Variants in LIAS observed in about 807,000 individuals in gnomAD.
LIAS encodes the protein lipoyl synthase, mitochondrial.
Under a neutral mutation model 49.4 loss-of-function variants are expected in LIAS, and 36 were observed. The ratio of observed to expected loss-of-function variants is 0.73; its 90% CI spans 0.56 to 0.96. The LOEUF is 0.96. Among genes scored for constraint, LIAS ranks in the 40% least tolerant of loss-of-function variants. The pLI, the probability that LIAS is intolerant of heterozygous loss-of-function variation, is 0.00. For missense variants in LIAS, 399 were observed against 456.3 expected (o/e 0.87, Z 1.14); for synonymous variants, 145 against 155.8 (o/e 0.93, Z 0.52).
At chr4:39,473,346 G>A in intron 10 of LIAS, 135 bp downstream of exon 10, 1 of 586,546 alleles carries the variant, frequency 1.7e-6, no homozygotes, top group Non-Finnish European at 3.1e-6. Context: ...TTTTCTTCTG[G>A]AACATCCTTA....
chr4:39,474,620 C>T (rs1446722785), intron 10 of LIAS, among the ~76,000 whole-genome samples: 1 of 150,956 alleles, frequency 6.6e-6, no homozygotes, highest in Non-Finnish European at 1.5e-5. Flanking sequence ...TTTTTAGATG[C>T]AGTCTCTCTC....
chr4:39,469,288 T>C (rs1744893138), intron 7 of LIAS: 1 of 152,262 alleles, frequency 6.6e-6, no homozygotes, highest in Admixed American at 6.5e-5. Flanking sequence ...TTTAAGTTCA[T>C]AAATTTGTTT....
Position 39,467,823 on chromosome 4 carries a change from A to G in LIAS, c.737+177A>G, listed in dbSNP as rs191889333. Reference sequence around the variant, plus strand: ...TACATAAAAATCAGAAAATATCACCAACAAAATCAGCATAAATATCACCCA... The same window carrying G: ...TACATAAAAATCAGAAAATATCACCGACAAAATCAGCATAAATATCACCCA... On this transcript the variant is annotated intron_variant, in intron 7 of 10. Transcript: ENST00000640888. 121 of 455,052 alleles carry G rather than the reference A, an allele frequency of 2.7e-4. No individual in the cohort carries two copies. In the East Asian group the frequency reaches 4.6e-3, roughly 17 times the overall value. 28.2% of individuals were successfully genotyped at this position (455,052 alleles called of 1,614,324 possible).
Position 39,460,814 on chromosome 4 carries a change from C to G in LIAS, c.70C>G (p.Pro24Ala), listed in dbSNP as rs768692068. The change falls in exon 2 of 11, where the codon CCA (proline) becomes GCA (alanine). Residue 24 changes from proline (P) to alanine (A), a missense_variant. By Grantham distance (27) the Pro-to-Ala change is conservative (BLOSUM62 -1). Transcript: ENST00000640888. The part of the protein sequence containing the change: ...PRVFGRYFCS[P>A]VRPLSSLPDK... ...GGTATTTGGGAGATATTTTTGCAGC[C>G]CAGTCAGACCGTTAAGCTCCTTGCC... is the stretch of plus-strand genomic sequence containing the variant. The G allele has an allele frequency of 1.9e-6, 3 of 1,585,170 alleles. No individual in the cohort carries two copies. Among genetic ancestry groups the G allele is most frequent in the Non-Finnish European group, 2.6e-6 (3 of 1,169,384 alleles).
intron 7 of LIAS, chr4:39,468,821 C>T: frequency 6.7e-6 from 1 of 149,122 alleles, no homozygotes; most frequent in Non-Finnish European, 1.5e-5. Context: ...TTGCGGTGAG[C>T]CGAGATAGTG....
At chr4:39,461,110 T>C in intron 2 of LIAS, 148 bp downstream of exon 2, 1 of 654,956 alleles carries the variant, frequency 1.5e-6, no homozygotes, top group Non-Finnish European at 2.5e-6. Flanking sequence ...CAGAACTAGA[T>C]AGAACAAGTA....
In LIAS at chr4:39,462,289, A is replaced by G. The variant is rs749254524; in HGVS notation, c.312A>G (p.Thr104=). 2.0e-6 allele frequency: 3 copies of G among 1,495,518 alleles called. No individual in the cohort carries two copies. Among genetic ancestry groups the G allele is most frequent in the Admixed American group, 2.0e-5 (1 of 50,090 alleles). The allele number at this position is 1,495,518 out of a possible 1,614,324, so 92.6% of individuals were successfully genotyped here. A position where few individuals can be genotyped will look rare whatever the true frequency, so the allele number is the denominator to read the frequency against. ...KNTLRNLNLH[T]VCEEARCPNI... Reference sequence around the variant, plus strand: ...CTTTGCGGAATTTAAATCTCCATACAGTAAGTTGTCAAAGTGTAAACTATC... The same window carrying G: ...CTTTGCGGAATTTAAATCTCCATACGGTAAGTTGTCAAAGTGTAAACTATC... Residue 104 remains threonine (T), a splice_region_variant and synonymous_variant, in exon 3 of 11, where the codon ACA becomes ACG. Transcript: ENST00000640888.
chr4:39,465,698 C>T (rs1479878142), intron 6 of LIAS, among the ~76,000 whole-genome samples: 3 of 149,312 alleles, frequency 2.0e-5, no homozygotes, highest in Non-Finnish European at 3.0e-5. Flanking sequence ...TGGAGTCTCG[C>T]TCTTTTGCCC....
intron 10 of LIAS, 52 bp from the exon 11 acceptor site, chr4:39,477,011 A>G: frequency 1.7e-6 from 2 of 1,151,746 alleles, no homozygotes; most frequent in Admixed American, 5.0e-5. Flanking sequence ...TAGTTGTCTC[A>G]CTGTTATTTA....
intron 8 of LIAS, among the ~76,000 whole-genome samples, chr4:39,470,392 G>A (rs952381960): frequency 2.6e-5 from 4 of 150,960 alleles, no homozygotes; most frequent in South Asian, 2.1e-4. Context: ...TATGCATGAC[G>A]CTCAGGATAC....
chr4:39,471,338 T>TTA, intron 9 of LIAS, 32 bp downstream of exon 9: 1 of 1,551,136 alleles, frequency 6.4e-7, no homozygotes, highest in Non-Finnish European at 8.8e-7. Context: ...TTTTTTTTTT[T>TTA]TTTTTATTTT....
intron 1 of LIAS, among the ~76,000 whole-genome samples, chr4:39,459,479 G>A (rs974633350): frequency 3.9e-5 from 6 of 152,104 alleles, no homozygotes; most frequent in Non-Finnish European, 8.8e-5. Context: ...GACTCTTACT[G>A]TGTGTGAGAC....
At position 39,471,326 on chromosome 4, in the gene LIAS, C is replaced by CTTTTTT. The variant is rs67611743; in HGVS notation, c.954+32_954+37dup. 5 of 1,243,106 alleles carry CTTTTTT rather than the reference C, an allele frequency of 4.0e-6. No homozygotes were observed. The highest frequency in any genetic ancestry group is 1.1e-6 in the Non-Finnish European group (1 of 907,772). The allele number at this position is 1,243,106 out of a possible 1,614,324, so 77.0% of individuals were successfully genotyped here. A position where few individuals can be genotyped will look rare whatever the true frequency, so the allele number is the denominator to read the frequency against. On this transcript the variant is annotated intron_variant, in intron 9 of 10. Coordinates refer to ENST00000640888, the MANE Select transcript of LIAS (RefSeq NM_006859.4). ...CTTAAGGTACATGTATCTTGATTTG[C>CTTTTTT]TTTTTTTTTTTTTTTTTATTTTTAA...
chr4:39,460,813 C>T lies in LIAS; in HGVS notation c.69C>T (p.Ser23=), dbSNP rs946086496. Residue 23 remains serine (S), a synonymous_variant, in exon 2 of 11, where the codon AGC becomes AGT. Transcript: ENST00000640888. ...GPRVFGRYFC[S]PVRPLSSLPD... is the part of the protein sequence containing the mutation. ...AGGTATTTGGGAGATATTTTTGCAG[C>T]CCAGTCAGACCGTTAAGCTCCTTGC... 5.0e-6 allele frequency: 8 copies of T among 1,584,882 alleles called. No homozygotes were observed. Among genetic ancestry groups the T allele is most frequent in the Admixed American group, 1.9e-5 (1 of 53,428 alleles).
At position 39,460,892 on chromosome 4, in the gene LIAS, T is replaced by C. The variant is rs775089515; in HGVS notation, c.148T>C (p.Ser50Pro). ...QNGPDLQDFV[S>P]GDLADRSTWD... ...TGGACCAGACCTTCAAGATTTTGTATCTGGTGATCTTGCAGACAGGAGCAC... is the reference window on the plus strand; with the variant it reads ...TGGACCAGACCTTCAAGATTTTGTACCTGGTGATCTTGCAGACAGGAGCAC... The change falls in exon 2 of 11, where the codon TCT becomes CCT. Residue 50 changes from serine to proline, a missense_variant. Around this residue, in one of 3 missense-constraint regions of LIAS, gnomAD observed 159 missense variants for 147.6 expected, o/e 1.08. Transcript: ENST00000640888. 3 of 1,613,318 alleles carry C rather than the reference T, an allele frequency of 1.9e-6. No homozygotes were observed. The highest frequency in any genetic ancestry group is 1.3e-5 in the African/African-American group (1 of 74,904).
At chr4:39,467,685 G>T in intron 7 of LIAS, 39 bp downstream of exon 7, 1 of 1,455,106 alleles carries the variant, frequency 6.9e-7, no homozygotes, top group Non-Finnish European at 9.2e-7. Context: ...AAGTTAGGCG[G>T]GTCAAAATAT....
chr4:39,473,899 G>A (rs1745084048), intron 10 of LIAS: 2 of 152,172 alleles, frequency 1.3e-5, no homozygotes, highest in Non-Finnish European at 1.5e-5. Context: ...GAACATATCT[G>A]AAGACCGAAT....
At chr4:39,459,281 A>G in intron 1 of LIAS, 119 bp downstream of exon 1, 1 of 853,320 alleles carries the variant, frequency 1.2e-6, no homozygotes, top group African/African-American at 1.7e-5. Context: ...AGCCAACGGC[A>G]GTTTTAAACG....
In LIAS at chr4:39,462,739, C is replaced by A. The variant is rs141984645; in HGVS notation, c.312+450C>A. Among the ~76,000 whole-genome samples, 729 of 152,336 alleles carry A rather than the reference C, an allele frequency of 4.8e-3. 1 individual carries two copies. Among genetic ancestry groups the A allele is most frequent in the South Asian group, 0.013 (63 of 4,830 alleles). ...GTGGCTCACACCTATAATTCCAGTA[C>A]TTCGGAAGGCCGAGGTGGGAGGATC... On this transcript the variant is annotated intron_variant, in intron 3 of 10. Transcript: ENST00000640888.
Sources: allele counts gnomAD v4.1 joint callset (sites outside exome capture counted in the v4.1 genomes callset), GRCh38; gene constraint gnomAD v4.1.1; regional missense constraint gnomAD v4.1.1; transcripts MANE v1.5; gene names NCBI Gene and HGNC (gene_info 2026-07-23, HGNC 2026-07-21).